The following MYH4 variants were observed in gnomAD, a reference collection of about 807,000 sequenced individuals.
MYH4 encodes myosin-4.
A neutral mutation model predicts 229.9 loss-of-function variants in MYH4; 200 were observed. That is an observed-to-expected ratio of 0.87 (90% CI 0.78 to 0.98). MYH4 has a LOEUF of 0.98. Among genes scored for constraint, MYH4 ranks in the 50% least tolerant of loss-of-function variants. MYH4 has a pLI of 0.00. For synonymous variants in MYH4, 761 were observed against 834.6 expected, an observed-to-expected ratio of 0.91 and a Z score of 1.52; for missense variants, 2,148 against 2,332.6, an observed-to-expected ratio of 0.92 and a Z score of 1.63.
Position 10,459,296 on chromosome 17 carries a change from A to C in MYH4, c.1542T>G (p.Ile514Met). The part of the protein sequence containing the change: ...YKKEGIEWEF[I>M]DFGMDLAACI... ...AGGCAGCCAGGTCCATCCCGAAGTCAATGAACTCCCACTCGATGCCTTCCT... is the reference window on the plus strand; with the variant it reads ...AGGCAGCCAGGTCCATCCCGAAGTCCATGAACTCCCACTCGATGCCTTCCT... Residue 514 changes from isoleucine to methionine, a missense_variant, in exon 15 of 40, where the codon ATT becomes ATG. Transcript: ENST00000255381. 1 of 1,614,110 alleles carries C rather than the reference A, an allele frequency of 6.2e-7. No homozygotes were observed. Among genetic ancestry groups the C allele is most frequent in the South Asian group, 1.1e-5 (1 of 91,068 alleles).
chr17:10,463,160 A>G lies in MYH4; in HGVS notation c.834T>C (p.Phe278=), dbSNP rs1410254395. Residue 278 remains phenylalanine, a synonymous_variant, in exon 10 of 40, where the codon TTT becomes TTC. Transcript: ENST00000255381. ...GGTAGCTTCTTTCAGCCTTTAGCTGAAAAGTAACTCGGGACTTCTCTAGCA... is the reference window on the plus strand; with the variant it reads ...GGTAGCTTCTTTCAGCCTTTAGCTGGAAAGTAACTCGGGACTTCTCTAGCA... ...TYLLEKSRVT[F]QLKAERSYHI... The G allele has an allele frequency of 6.2e-7, 1 of 1,613,536 alleles. No homozygotes were observed. The highest frequency in any genetic ancestry group is 1.3e-5 in the African/African-American group (1 of 74,934).
chr17:10,451,279 C>G, intron 28 of MYH4, 47 bp downstream of exon 28: 1 of 1,600,350 alleles, frequency 6.2e-7, no homozygotes, highest in Non-Finnish European at 8.5e-7. Context: ...AAAGGCTTGT[C>G]TTTCATTCGT....
rs752021078 is a variant in MYH4, at chr17:10,452,118, C to T, written c.3561G>A (p.Leu1187=). 3.1e-6 allele frequency: 5 copies of T among 1,614,066 alleles called. No homozygotes were observed. In the South Asian group the frequency reaches 5.5e-5, roughly 18 times the overall value. ...GAGCAGCTGCCGTGGCTTCGTGCTG[C>T]AGGGTGGACTCTTCCAGGTCCCTGC... The part of the protein sequence containing the change: ...KMRRDLEEST[L]QHEATAAALR... The change falls in exon 27 of 40, where the codon CTG becomes CTA. Residue 1187 remains leucine (L), a synonymous_variant. Transcript: ENST00000255381.
chr17:10,456,004 A>G, intron 17 of MYH4, 103 bp from the exon 18 acceptor site: 9 of 1,386,800 alleles, frequency 6.5e-6, no homozygotes, highest in East Asian at 2.3e-5. Flanking sequence ...GAGCTGTCTC[A>G]AGGAAAAACA....
intron 27 of MYH4, 121 bp downstream of exon 27, chr17:10,451,820 T>C: frequency 8.0e-7 from 1 of 1,254,536 alleles, no homozygotes; most frequent in Non-Finnish European, 1.1e-6. Context: ...GTACTAGGAG[T>C]AAGTTTAAGC....
At chr17:10,454,518 A>G (rs1055164621) in intron 22 of MYH4, 37 bp downstream of exon 22, 5 of 1,594,880 alleles carry the variant, frequency 3.1e-6, no homozygotes, top group Non-Finnish European at 4.3e-6. Flanking sequence ...CGTTAAAAGT[A>G]ATAAGATGTG....
rs61731187 is a variant in MYH4 at position 10,453,715 on chromosome 17, G to C, written c.2862C>G (p.Leu954=). 1.4e-3 allele frequency: 2,287 copies of C among 1,613,964 alleles called. 9 individuals are homozygous for C. Among genetic ancestry groups the C allele is most frequent in the Non-Finnish European group, 1.8e-3 (2,123 of 1,179,996 alleles). The change falls in exon 23 of 40, where the codon CTC becomes CTG. Residue 954 remains leucine, a synonymous_variant. Coordinates refer to ENST00000255381, the MANE Select transcript of MYH4 (RefSeq NM_017533.2). The part of the protein sequence containing the change: ...KRKLEDECSE[L]KKDIDDLELT... ...GCTCAAGGTCATCAATGTCTTTCTT[G>C]AGCTCTGAACATTCATCCTCCAGTT...
At chr17:10,463,225 C>A (rs981843594) in intron 9 of MYH4, 37 bp from the exon 10 acceptor site, 2 of 1,575,242 alleles carry the variant, frequency 1.3e-6, no homozygotes, top group Non-Finnish European at 8.7e-7. Flanking sequence ...AAGAAGATGC[C>A]ACAGTGAAAA....
At chr17:10,457,057 G>A (rs2142222646) in intron 16 of MYH4, among the ~76,000 whole-genome samples, 1 of 152,334 alleles carries the variant, frequency 6.6e-6, no homozygotes, top group South Asian at 2.1e-4. Context: ...AGTTCCCCAA[G>A]CACTAGGGCC....
Position 10,457,737 on chromosome 17 carries a change from T to G in MYH4, c.1588-8A>C, listed in dbSNP as rs1393002665. ...GGAGAAGATGCCCATAGGCTAAGAA[T>G]AGGAAAAAAGGGATGATAATGATGA... On this transcript the variant is annotated splice_polypyrimidine_tract_variant and splice_region_variant and intron_variant, in intron 15 of 39. Coordinates refer to ENST00000255381, the MANE Select transcript of MYH4 (RefSeq NM_017533.2). 6.2e-7 allele frequency: 1 copy of G among 1,605,370 alleles called. No homozygotes were observed. Among genetic ancestry groups the G allele is most frequent in the African/African-American group, 1.3e-5 (1 of 74,240 alleles).
At chr17:10,457,372 A>C in intron 16 of MYH4, 48 bp downstream of exon 16, 1 of 1,538,760 alleles carries the variant, frequency 6.5e-7, no homozygotes, top group Non-Finnish European at 8.8e-7. Context: ...TGAACAGTGT[A>C]TATCTATTTT....
chr17:10,466,169 A>C (rs1196296771), intron 4 of MYH4, 104 bp downstream of exon 4: 3 of 1,350,968 alleles, frequency 2.2e-6, no homozygotes, highest in Non-Finnish European at 1.0e-6. Flanking sequence ...ATTGGTCATA[A>C]AAGAACAGTT....
At chr17:10,452,391 A>G in intron 26 of MYH4, 25 bp downstream of exon 26, 2 of 1,614,192 alleles carry the variant, frequency 1.2e-6, no homozygotes, top group South Asian at 1.1e-5. Flanking sequence ...TGTAATGCCC[A>G]GAAAAGGTGG....
chr17:10,460,265 G>A lies in MYH4; in HGVS notation c.1204C>T (p.Leu402Phe). 2 of 1,614,096 alleles carry A rather than the reference G, an allele frequency of 1.2e-6. No individual in the cohort carries two copies. Among genetic ancestry groups the A allele is most frequent in the Non-Finnish European group, 1.7e-6 (2 of 1,179,944 alleles). Residue 402 changes from leucine (L) to phenylalanine (F), a missense_variant, in exon 13 of 40, where the codon CTC becomes TTC. By Grantham distance (22) the Leu-to-Phe change is conservative (BLOSUM62 0). Transcript: ENST00000255381. Reference sequence around the variant, plus strand: ...CCGACCTTGACTCTGGGATAGCAGAGAGATTTGAGCAGGTCAGCAGAGTTC... The same window carrying A: ...CCGACCTTGACTCTGGGATAGCAGAAAGATTTGAGCAGGTCAGCAGAGTTC... ...SLNSADLLKS[L>F]CYPRVKVGNE...
Position 10,451,415 on chromosome 17 carries a change from T to G in MYH4, c.3776A>C (p.Gln1259Pro), listed in dbSNP as rs772186066. 2.7e-5 allele frequency: 43 copies of G among 1,613,924 alleles called. No individual in the cohort carries two copies. The highest frequency in any genetic ancestry group is 3.5e-5 in the Non-Finnish European group (41 of 1,179,972). ...TTCCTTTGTTTTTATTTCACTAAGCTGGTCCTCTAGGGTGCGGCACATTTT... is the reference window on the plus strand; with the variant it reads ...TTCCTTTGTTTTTATTTCACTAAGCGGGTCCTCTAGGGTGCGGCACATTTT... ...FEKMCRTLED[Q>P]LSEIKTKEEE... is the part of the protein sequence containing the mutation. The change falls in exon 28 of 40, where the codon CAG (glutamine) becomes CCG (proline). Residue 1259 changes from glutamine to proline, a missense_variant. By Grantham distance (76) the Gln-to-Pro change is moderately conservative. Transcript: ENST00000255381.
chr17:10,454,542 G>GTA lies in MYH4; in HGVS notation c.2691+11_2691+12dup. 6.2e-7 allele frequency: 1 copy of GTA among 1,613,116 alleles called. No individual in the cohort carries two copies. Among genetic ancestry groups the GTA allele is most frequent in the Non-Finnish European group, 8.5e-7 (1 of 1,179,764 alleles). ...TAATAAGATGTGGCTGAACTGCAAT[G>GTA]TATAATACTTACAGCTTGAACTTGG... On this transcript the variant is annotated intron_variant, in intron 22 of 39. Coordinates refer to ENST00000255381, the MANE Select transcript of MYH4 (RefSeq NM_017533.2).
At chr17:10,449,180 T>G in intron 30 of MYH4, 133 bp from the exon 31 acceptor site, 1 of 740,118 alleles carries the variant, frequency 1.4e-6, no homozygotes, top group Non-Finnish European at 2.2e-6. Context: ...CTAAACATTT[T>G]CACTCTCTTA....
chr17:10,458,708 T>C (rs2058098), intron 15 of MYH4, among the ~76,000 whole-genome samples: 65,007 of 151,950 alleles, frequency 0.43, 14,826 homozygotes, highest in East Asian at 0.86. Flanking sequence ...AACTATTGCT[T>C]CACCCCCTTA....
chr17:10,465,649 C>T (rs1186500154), intron 4 of MYH4, 51 bp from the exon 5 acceptor site: 2 of 1,607,920 alleles, frequency 1.2e-6, no homozygotes, highest in Non-Finnish European at 1.7e-6. Context: ...GTTTATCTAT[C>T]TTGGAAATAC....
Sources: gnomAD v4.1 joint callset for allele counts (sites outside exome capture counted in the v4.1 genomes callset) on GRCh38, gnomAD v4.1.1 for gene constraint, MANE v1.5 for transcripts, NCBI Gene and HGNC (gene_info 2026-07-23, HGNC 2026-07-21) for gene names.